Variants in RIN2 observed in about 807,000 individuals in gnomAD.
RIN2 encodes the protein Ras and Rab interactor 2.
In RIN2, 36 loss-of-function variants were observed where a neutral mutation model predicts 78.0. The observed-to-expected ratio is 0.46, with a 90% confidence interval of 0.35 to 0.61. The LOEUF (loss-of-function observed/expected upper bound fraction) is 0.61. Ranked by LOEUF, RIN2 falls within the 20% of genes least tolerant of loss-of-function variation. RIN2 has a pLI of 0.00. For synonymous variants in RIN2, 466 were observed against 466.8 expected (o/e 1.00, Z 0.02); for missense variants, 1,087 against 1,159.7 (o/e 0.94, Z 0.91).
rs143114579 is a variant in RIN2, at chr20:19,834,994, AAGAG to A, written c.-37+35257_-37+35260del. Among the ~76,000 whole-genome samples, 694 of 132,822 alleles carry A rather than the reference AAGAG, an allele frequency of 5.2e-3. 3 individuals are homozygous for A. Among genetic ancestry groups the A allele is most frequent in the African/African-American group, 0.017 (642 of 37,370 alleles). 87.1% of individuals were successfully genotyped at this position (132,822 alleles called of 152,430 possible). ...AAGAAAGAAAGGAAGGAAAGAGAGA[AAGAG>A]AGAGAGAGAAAGAAAAAGAGAGAGA... On this transcript the variant is annotated intron_variant, in intron 2 of 12. Transcript: ENST00000255006.
At chr20:19,851,093 G>A (rs1270766021) in intron 2 of RIN2, among the ~76,000 whole-genome samples, 1 of 151,898 alleles carries the variant, frequency 6.6e-6, no homozygotes, top group Non-Finnish European at 1.5e-5. Context: ...AGGTAGGAAG[G>A]AAGGAAAGAG....
chr20:19,809,043 C>G (rs1400331921), intron 2 of RIN2: 3 of 152,316 alleles, frequency 2.0e-5, no homozygotes, highest in Admixed American at 6.5e-5. Context: ...AACCCTCTGC[C>G]TAGGGTTCTG....
chr20:19,887,783 C>A (rs1413191555), intron 2 of RIN2, among the ~76,000 whole-genome samples: 2 of 152,182 alleles, frequency 1.3e-5, no homozygotes, highest in Admixed American at 6.5e-5. Context: ...TCTCGTTTAG[C>A]AATTCCTGAA....
intron 2 of RIN2, among the ~76,000 whole-genome samples, chr20:19,867,685 G>T (rs1290177457): frequency 6.6e-6 from 1 of 152,178 alleles, no homozygotes; most frequent in Admixed American, 6.5e-5. Context: ...CTCAGTCCCA[G>T]ATATCAGGAG....
chr20:19,851,892 CA>C (rs1259712073), intron 2 of RIN2, among the ~76,000 whole-genome samples: 1 of 152,170 alleles, frequency 6.6e-6, no homozygotes, highest in Non-Finnish European at 1.5e-5. Context: ...ACTTCTTTCT[CA>C]CACTTACGTA....
At chr20:19,969,674 G>A (rs1354961103) in intron 7 of RIN2, among the ~76,000 whole-genome samples, 1 of 152,158 alleles carries the variant, frequency 6.6e-6, no homozygotes, top group East Asian at 1.9e-4. Context: ...AGCCCCTGAT[G>A]CAATGTCTGG....
In RIN2 at chr20:19,946,903, C is replaced by T. The variant is rs564829915; in HGVS notation, c.159-9712C>T. On this transcript the variant is annotated intron_variant, in intron 4 of 12. Coordinates refer to ENST00000255006, the MANE Select transcript of RIN2 (RefSeq NM_018993.4). The stretch of plus-strand genomic sequence containing the variant: ...AAAATTAGCTGGACGTGGTGGCGCA[C>T]GCCTAAAGTCCCAGCTACTCAGGAG... 9.3e-5 allele frequency among the ~76,000 whole-genome samples: 14 copies of T among 151,286 alleles called. No homozygotes were observed. The South Asian group carries it at 1.5e-3, about 16-fold the overall frequency.
At chr20:19,920,164 C>T (rs566047839) in intron 3 of RIN2, among the ~76,000 whole-genome samples, 13 of 152,054 alleles carry the variant, frequency 8.5e-5, no homozygotes, top group African/African-American at 2.9e-4. Context: ...GGCATGGTGG[C>T]GGGCGCCTAT....
At chr20:19,910,156 ATTTAT>A (rs1362941696) in intron 3 of RIN2, among the ~76,000 whole-genome samples, 3 of 152,052 alleles carry the variant, frequency 2.0e-5, no homozygotes, top group South Asian at 2.1e-4. Flanking sequence ...TTAATTTTTT[ATTTAT>A]TTTAATTTTT....
rs749303792 is a variant in RIN2 at position 19,990,333 on chromosome 20, G to C, written c.2068+22G>C. The C allele has an allele frequency of 3.8e-6, 6 of 1,586,410 alleles. No homozygotes were observed. The South Asian group carries it at 6.9e-5, about 18-fold the overall frequency. On this transcript the variant is annotated intron_variant, in intron 10 of 12. Transcript: ENST00000255006. The stretch of plus-strand genomic sequence containing the variant: ...TCAGGTGAGGCCGCTGGAAGCCCAG[G>C]CTTCGTGCCGCTTCCCTTCCGGGCC...
At chr20:19,974,427 G>A (rs779403400) in intron 8 of RIN2, among the ~76,000 whole-genome samples, 19 of 152,150 alleles carry the variant, frequency 1.2e-4, no homozygotes, top group Non-Finnish European at 2.2e-4. Flanking sequence ...ATTTCTCCAG[G>A]GCTTTGAAGG....
intron 2 of RIN2, among the ~76,000 whole-genome samples, chr20:19,810,428 G>T (rs1330084573): frequency 6.6e-6 from 1 of 151,822 alleles, no homozygotes; most frequent in African/African-American, 2.4e-5. Flanking sequence ...AAAAAGAAGT[G>T]CCAAGAGTAC....
chr20:19,962,541 A>G (rs370906789), intron 6 of RIN2, among the ~76,000 whole-genome samples: 2 of 152,206 alleles, frequency 1.3e-5, no homozygotes, highest in East Asian at 1.9e-4. Context: ...CACTTCCCTA[A>G]TCTTCTCCAG....
intron 4 of RIN2, among the ~76,000 whole-genome samples, chr20:19,942,652 A>G (rs974527190): frequency 1.4e-4 from 21 of 152,210 alleles, no homozygotes; most frequent in Non-Finnish European, 2.9e-5. Context: ...ATGACAATCC[A>G]TTTAAATGGT....
intron 2 of RIN2, chr20:19,823,788 G>A: frequency 6.2e-7 from 1 of 1,600,640 alleles, no homozygotes; most frequent in Non-Finnish European, 8.5e-7. Flanking sequence ...GGCCCTTCCA[G>A]TCACCCATTG....
chr20:19,896,119 C>T (rs921709465), intron 3 of RIN2, among the ~76,000 whole-genome samples: 1 of 152,078 alleles, frequency 6.6e-6, no homozygotes, highest in Non-Finnish European at 1.5e-5. Context: ...ATTGCAGGGG[C>T]ATGAAAAATA....
At chr20:19,924,875 G>C (rs1008326458) in intron 3 of RIN2, among the ~76,000 whole-genome samples, 1 of 147,972 alleles carries the variant, frequency 6.8e-6, no homozygotes, top group African/African-American at 2.5e-5. Flanking sequence ...AAGTAGCTGG[G>C]ATTACAGGCA....
chr20:19,814,634 C>G (rs1282861670), intron 2 of RIN2, among the ~76,000 whole-genome samples: 2 of 152,122 alleles, frequency 1.3e-5, no homozygotes, highest in Non-Finnish European at 2.9e-5. Flanking sequence ...GGGTTTTGCC[C>G]TTTCATCCAG....
At chr20:19,992,040 A>G (rs1054532118) in intron 10 of RIN2, 128 bp from the exon 11 acceptor site, 21 of 1,060,674 alleles carry the variant, frequency 2.0e-5, no homozygotes, top group Non-Finnish European at 2.5e-5. Flanking sequence ...AGAAACACTC[A>G]CCTCTGTTTA....
Sources: gnomAD v4.1 joint callset for allele counts (sites outside exome capture counted in the v4.1 genomes callset) on GRCh38, gnomAD v4.1.1 for gene constraint, MANE v1.5 for transcripts, NCBI Gene and HGNC (gene_info 2026-07-23, HGNC 2026-07-21) for gene names.